Variants in FBXL2 observed in about 807,000 individuals in gnomAD.
FBXL2 encodes F-box/LRR-repeat protein 2.
FBXL2 carries 38 observed loss-of-function variants against 69.2 expected under a neutral mutation model. The observed-to-expected ratio is 0.55, with a 90% confidence interval of 0.42 to 0.72. The LOEUF is 0.72. Ranked by LOEUF, FBXL2 falls within the 30% of genes least tolerant of loss-of-function variation. The probability of loss-of-function intolerance (pLI) is 0.00; values close to 1 mark genes in which losing one functional copy is unlikely to be tolerated. For missense variants in FBXL2, 354 were observed against 520.3 expected (o/e 0.68, Z 3.11); for synonymous variants, 192 against 201.3 (o/e 0.95, Z 0.39).
intron 2 of FBXL2, among the ~76,000 whole-genome samples, chr3:33,301,493 T>A (rs1045377047): frequency 1.3e-5 from 2 of 152,234 alleles, no homozygotes; most frequent in African/African-American, 2.4e-5. Context: ...ATCTCTCTGT[T>A]ATCACTTTGA....
chr3:33,407,887 G>A (rs1220378231), downstream of FBXL2, among the ~76,000 whole-genome samples: 1 of 152,202 alleles, frequency 6.6e-6, no homozygotes, highest in East Asian at 1.9e-4. Flanking sequence ...AAGGTATGTA[G>A]CTGATCTAAG....
At chr3:33,349,219 G>A (rs2040659217) in intron 2 of FBXL2, among the ~76,000 whole-genome samples, 1 of 152,150 alleles carries the variant, frequency 6.6e-6, no homozygotes, top group Non-Finnish European at 1.5e-5. Flanking sequence ...TCTGCATTCA[G>A]TATGATACTA....
intron 1 of FBXL2, among the ~76,000 whole-genome samples, chr3:33,278,732 T>A (rs780157723): frequency 1.3e-5 from 2 of 152,230 alleles, no homozygotes; most frequent in Admixed American, 6.5e-5. Context: ...GTAATGCCTT[T>A]ATTTTGTGTA....
the FBXL2 span, chr3:33,416,705 A>ATT: frequency 7.4e-7 from 1 of 1,358,060 alleles, no homozygotes; most frequent in Non-Finnish European, 1.0e-6. Context: ...TTTAAACAAA[A>ATT]ACTCATTCAA....
At chr3:33,353,550 C>T (rs115298249) in intron 2 of FBXL2, among the ~76,000 whole-genome samples, 1,653 of 152,248 alleles carry the variant, frequency 0.011, 10 homozygotes, top group Middle Eastern at 0.027. Flanking sequence ...GTGTTTGATT[C>T]CAATCATATG....
At chr3:33,411,351 T>C in the FBXL2 span, among the ~76,000 whole-genome samples, 1 of 152,200 alleles carries the variant, frequency 6.6e-6, no homozygotes, top group Non-Finnish European at 1.5e-5. Context: ...GGACTACTAG[T>C]GGTAAAAATA....
chr3:33,278,301 A>G (rs2033548772), intron 1 of FBXL2: 1 of 152,262 alleles, frequency 6.6e-6, no homozygotes, highest in Non-Finnish European at 1.5e-5. Flanking sequence ...AACCGAAGGC[A>G]TAATTCTCCA....
rs188801932 is a variant in FBXL2, at chr3:33,334,061, G to A, written c.66-24906G>A. Among the ~76,000 whole-genome samples, 202 of 152,068 alleles carry A rather than the reference G, an allele frequency of 1.3e-3. 1 individual carries two copies. Among genetic ancestry groups the A allele is most frequent in the African/African-American group, 4.5e-3 (185 of 41,466 alleles). On this transcript the variant is annotated intron_variant, in intron 2 of 14. Coordinates refer to ENST00000484457, the MANE Select transcript of FBXL2 (RefSeq NM_012157.5). ...TGAGCAGACACTAACCTTAACTTCCGGACAGAGGGAAGGGCTTGTACTCTG... is the reference window on the plus strand; with the variant it reads ...TGAGCAGACACTAACCTTAACTTCCAGACAGAGGGAAGGGCTTGTACTCTG...
chr3:33,399,352 G>C (rs1240752864), intron 12 of FBXL2, among the ~76,000 whole-genome samples: 1 of 152,160 alleles, frequency 6.6e-6, no homozygotes, highest in Non-Finnish European at 1.5e-5. Context: ...TGGAGAAGCA[G>C]TGCTTGATAC....
At chr3:33,401,043 T>A (rs373936845) in intron 12 of FBXL2, 2 of 1,576,358 alleles carry the variant, frequency 1.3e-6, no homozygotes, top group Non-Finnish European at 1.7e-6. Flanking sequence ...AAGAAGGAAA[T>A]GATGATTTTT....
At chr3:33,396,267 G>C in intron 12 of FBXL2, 1 of 1,578,786 alleles carries the variant, frequency 6.3e-7, no homozygotes, top group Non-Finnish European at 8.7e-7. Flanking sequence ...ATGGTTAAAC[G>C]GGGTCTAACC....
At chr3:33,400,156 C>T (rs2044167726) in intron 12 of FBXL2, 22 of 1,366,610 alleles carry the variant, frequency 1.6e-5, no homozygotes, top group East Asian at 2.7e-5. Flanking sequence ...ACAAAACATT[C>T]TCATGCACAG....
chr3:33,400,902 C>T, intron 12 of FBXL2: 1 of 1,536,700 alleles, frequency 6.5e-7, no homozygotes, highest in South Asian at 1.2e-5. Context: ...GCACAAAAAC[C>T]AAAACTTTAA....
At chr3:33,400,212 G>T (rs1256444980) in intron 12 of FBXL2, 1 of 1,601,418 alleles carries the variant, frequency 6.2e-7, no homozygotes, top group Non-Finnish European at 8.5e-7. Flanking sequence ...GAACAGTCTT[G>T]TGTAGGAAGA....
At chr3:33,410,376 G>A in the FBXL2 span, among the ~76,000 whole-genome samples, 1 of 151,958 alleles carries the variant, frequency 6.6e-6, no homozygotes, top group Non-Finnish European at 1.5e-5. Context: ...TGTAAAGCCA[G>A]GTCTTGTATC....
At chr3:33,400,361 G>C (rs1328930494) in intron 12 of FBXL2, 19 of 1,164,360 alleles carry the variant, frequency 1.6e-5, no homozygotes, top group Non-Finnish European at 2.3e-5. Flanking sequence ...GAAAGCCTCG[G>C]AGTCTGAAGT....
chr3:33,418,860 C>CAA, the FBXL2 span, among the ~76,000 whole-genome samples: 46 of 76,698 alleles, frequency 6.0e-4, no homozygotes, highest in South Asian at 3.3e-3. Context: ...ACTCTGTCTC[C>CAA]AAAAAAAAAA....
chr3:33,408,480 A>G (rs573481108), downstream of FBXL2, among the ~76,000 whole-genome samples: 1 of 152,202 alleles, frequency 6.6e-6, no homozygotes, highest in South Asian at 2.1e-4. Context: ...TATGGTCAAC[A>G]TTGTTTTTTG....
the FBXL2 span, among the ~76,000 whole-genome samples, chr3:33,418,856 T>C: frequency 1.0e-5 from 1 of 97,564 alleles, no homozygotes; most frequent in Non-Finnish European, 1.8e-5. Context: ...CGAAACTCTG[T>C]CTCCAAAAAA....
Sources: allele counts gnomAD v4.1 joint callset (sites outside exome capture counted in the v4.1 genomes callset), GRCh38; gene constraint gnomAD v4.1.1; transcripts MANE v1.5; gene names NCBI Gene and HGNC (gene_info 2026-07-23, HGNC 2026-07-21).